Variants in ADAMTS6 observed in about 807,000 individuals in gnomAD.
ADAMTS6 encodes the protein A disintegrin and metalloproteinase with thrombospondin motifs 6.
Under a neutral mutation model 144.3 loss-of-function variants are expected in ADAMTS6, and 23 were observed. That is an observed-to-expected ratio of 0.16 (90% CI 0.11 to 0.23). The LOEUF is 0.23. Ranked by LOEUF, ADAMTS6 falls within the 10% of genes least tolerant of loss-of-function variation. The pLI, the probability that ADAMTS6 is intolerant of heterozygous loss-of-function variation, is 1.00. For synonymous variants in ADAMTS6, 444 were observed against 457.5 expected (o/e 0.97, Z 0.38); for missense variants, 999 against 1,379.6 (o/e 0.72, Z 4.37).
rs78745934 is a variant in ADAMTS6, at chr5:65,345,854, A to G, written c.1074-11769T>C. ...TATACCTTTAACTGTGTTAGGATTAATGCAAATATCTTTTATTCAAATCTA... is the reference window on the plus strand; with the variant it reads ...TATACCTTTAACTGTGTTAGGATTAGTGCAAATATCTTTTATTCAAATCTA... On this transcript the variant is annotated intron_variant, in intron 7 of 24. Transcript: ENST00000381055. Among the ~76,000 whole-genome samples the G allele has an allele frequency of 7.6e-3, 1,157 of 151,958 alleles. 9 individuals carry two copies. The highest frequency in any genetic ancestry group is 0.011 in the Non-Finnish European group (748 of 67,752).
chr5:65,164,057 T>G (rs886687655), intron 24 of ADAMTS6, among the ~76,000 whole-genome samples: 43 of 151,994 alleles, frequency 2.8e-4, no homozygotes, highest in Admixed American at 1.8e-3. Context: ...ACAGCTCTGG[T>G]CAACAGCTCC....
intron 9 of ADAMTS6, among the ~76,000 whole-genome samples, chr5:65,302,061 T>C (rs114892232): frequency 3.0e-5 from 4 of 135,408 alleles, no homozygotes; most frequent in Non-Finnish European, 1.5e-5. Flanking sequence ...CACTATACTA[T>C]AGCTAGGGTA....
intron 23 of ADAMTS6, 59 bp downstream of exon 23, chr5:65,172,772 AC>A: frequency 6.4e-7 from 1 of 1,556,508 alleles, no homozygotes; most frequent in Non-Finnish European, 8.7e-7. Context: ...CACACAAGGA[AC>A]CTCAGGTTTG....
chr5:65,212,120 G>C (rs777204516), intron 20 of ADAMTS6, among the ~76,000 whole-genome samples: 1 of 152,130 alleles, frequency 6.6e-6, no homozygotes, highest in African/African-American at 2.4e-5. Flanking sequence ...CTGTTCAGTA[G>C]GTCTGTAATG....
At chr5:65,235,576 G>A (rs927185816) in intron 15 of ADAMTS6, among the ~76,000 whole-genome samples, 3 of 152,114 alleles carry the variant, frequency 2.0e-5, no homozygotes, top group Non-Finnish European at 2.9e-5. Flanking sequence ...TAGAATATAA[G>A]CAGGCAGAAA....
At chr5:65,313,788 C>T (rs921854959) in intron 9 of ADAMTS6, among the ~76,000 whole-genome samples, 1 of 151,978 alleles carries the variant, frequency 6.6e-6, no homozygotes, top group African/African-American at 2.4e-5. Flanking sequence ...AAACTGAGTC[C>T]ATTTGGTTCT....
intron 21 of ADAMTS6, among the ~76,000 whole-genome samples, chr5:65,196,527 A>G (rs1755385431): frequency 1.0e-5 from 1 of 97,416 alleles, no homozygotes; most frequent in Admixed American, 9.7e-5. Context: ...CGTCTCAAAA[A>G]AAAAAAAAAA....
In ADAMTS6 at chr5:65,214,929, G is replaced by A. The variant is rs768413501; in HGVS notation, c.2440C>T (p.Leu814=). 6.2e-7 allele frequency: 1 copy of A among 1,612,812 alleles called. No homozygotes were observed. The highest frequency in any genetic ancestry group is 2.2e-5 in the East Asian group (1 of 44,860). ...PTSENLIVMV[L]LQEQNLGIRY... ...ATTCCCAAATTCTGTTCTTGAAGCA[G>A]AACCTGCCATTGAAAACAACTGGTG... is the stretch of plus-strand genomic sequence containing the variant. The change falls in exon 20 of 25, where the codon CTG becomes TTG. Residue 814 remains leucine (L), a synonymous_variant. Transcript: ENST00000381055. This position sits in a 1 kb window ranked among gnomAD's most constrained non-coding sequence, Gnocchi z 4.6.
rs567406613 is a variant in ADAMTS6 at position 65,448,039 on chromosome 5, A to G, written c.1073+3436T>C. Among the ~76,000 whole-genome samples, 6 of 150,454 alleles carry G rather than the reference A, an allele frequency of 4.0e-5. No homozygotes were observed. The South Asian group carries it at 1.0e-3, about 26-fold the overall frequency. ...TAAGATTTGATAAATCTAGGTAGTG[A>G]TAACAGTTATTCATTATATTATATA... On this transcript the variant is annotated intron_variant, in intron 7 of 24. Transcript: ENST00000381055.
At chr5:65,183,962 G>A (rs942991274) in intron 22 of ADAMTS6, among the ~76,000 whole-genome samples, 3 of 151,912 alleles carry the variant, frequency 2.0e-5, no homozygotes, top group Non-Finnish European at 2.9e-5. Flanking sequence ...TAGGTAGCAG[G>A]GTAGAAGATA....
At chr5:65,335,360 G>T (rs758730935) in intron 7 of ADAMTS6, among the ~76,000 whole-genome samples, 1 of 151,976 alleles carries the variant, frequency 6.6e-6, no homozygotes, top group Non-Finnish European at 1.5e-5. Context: ...GAACACCCTC[G>T]AATGTAAGAT....
At position 65,163,507 on chromosome 5, in the gene ADAMTS6, C is replaced by T. The variant is rs149225981; in HGVS notation, c.3244+7110G>A. Among the ~76,000 whole-genome samples the T allele has an allele frequency of 2.9e-3, 438 of 152,286 alleles. 4 individuals are homozygous for T. Among genetic ancestry groups the T allele is most frequent in the African/African-American group, 9.8e-3 (409 of 41,564 alleles). On this transcript the variant is annotated intron_variant, in intron 24 of 24. Coordinates refer to ENST00000381055, the MANE Select transcript of ADAMTS6 (RefSeq NM_197941.4). ...GACCATTTGCAAAGATGCAAGGTGTCTGGATCTTGTCATACAAGATCACTT... is the reference window on the plus strand; with the variant it reads ...GACCATTTGCAAAGATGCAAGGTGTTTGGATCTTGTCATACAAGATCACTT...
chr5:65,283,983 C>A (rs1763177992), intron 11 of ADAMTS6, among the ~76,000 whole-genome samples: 1 of 152,000 alleles, frequency 6.6e-6, no homozygotes, highest in African/African-American at 2.4e-5. Flanking sequence ...TTTTCTCATT[C>A]CCTTATATGT....
chr5:65,387,051 G>T lies in ADAMTS6; in HGVS notation c.1074-52966C>A, dbSNP rs184897626. On this transcript the variant is annotated intron_variant, in intron 7 of 24. Transcript: ENST00000381055. ...ATTTATATTTCAGTCATTTAGAAATGACACAATTTAAAAATTATCTCATGT... is the reference window on the plus strand; with the variant it reads ...ATTTATATTTCAGTCATTTAGAAATTACACAATTTAAAAATTATCTCATGT... Among the ~76,000 whole-genome samples the T allele has an allele frequency of 2.0e-5, 3 of 152,266 alleles. No individual in the cohort carries two copies. The East Asian group carries it at 5.8e-4, about 29-fold the overall frequency.
chr5:65,272,692 G>A (rs889611343), intron 12 of ADAMTS6, among the ~76,000 whole-genome samples: 1 of 152,026 alleles, frequency 6.6e-6, no homozygotes, highest in Non-Finnish European at 1.5e-5. Context: ...GGCTGAGGTG[G>A]GCAGATCACT....
At chr5:65,259,205 A>G (rs950648752) in intron 14 of ADAMTS6, among the ~76,000 whole-genome samples, 1 of 32,160 alleles carries the variant, frequency 3.1e-5, no homozygotes, top group African/African-American at 1.5e-4. Flanking sequence ...TAAAAAGTGT[A>G]TATATATATA....
intron 15 of ADAMTS6, among the ~76,000 whole-genome samples, chr5:65,238,595 G>A (rs1758888311): frequency 6.8e-6 from 1 of 147,688 alleles, no homozygotes; most frequent in Non-Finnish European, 1.5e-5. Flanking sequence ...ACCAGACCCT[G>A]TCTCAAAAAA....
chr5:65,170,552 A>T, intron 24 of ADAMTS6, 65 bp downstream of exon 24: 1 of 1,571,206 alleles, frequency 6.4e-7, no homozygotes, highest in Non-Finnish European at 8.7e-7. Flanking sequence ...TGTGCTCTTC[A>T]GACCCTGGGA....
At chr5:65,399,327 T>C (rs548079057) in intron 7 of ADAMTS6, among the ~76,000 whole-genome samples, 7 of 152,346 alleles carry the variant, frequency 4.6e-5, no homozygotes, top group Admixed American at 3.9e-4. Flanking sequence ...ACTCTAACAA[T>C]CTCTGTCTTC....
Sources: allele counts gnomAD v4.1 joint callset (sites outside exome capture counted in the v4.1 genomes callset), GRCh38; gene constraint gnomAD v4.1.1; non-coding constraint Gnocchi (gnomAD v3.1); transcripts MANE v1.5; gene names NCBI Gene and HGNC (gene_info 2026-07-23, HGNC 2026-07-21).